Variants in KIDINS220 observed in about 807,000 individuals in gnomAD.
KIDINS220 encodes the protein kinase D interacting substrate 220.
A neutral mutation model predicts 157.6 loss-of-function variants in KIDINS220; 63 were observed. The observed-to-expected ratio is 0.40, with a 90% confidence interval of 0.33 to 0.49. The LOEUF (loss-of-function observed/expected upper bound fraction) is 0.49, where lower values mean the gene tolerates loss of function less well. Ranked by LOEUF, KIDINS220 falls within the 20% of genes least tolerant of loss-of-function variation. KIDINS220 has a pLI of 0.66. For synonymous variants in KIDINS220, 732 were observed against 783.6 expected, an observed-to-expected ratio of 0.93 and a Z score of 1.10; for missense variants, 1,772 against 2,171.2, an observed-to-expected ratio of 0.82 and a Z score of 3.65.
At chr2:8,744,382 AAAAAAAATATATATATATAATATAT>A (rs1666153436) in intron 26 of KIDINS220, among the ~76,000 whole-genome samples, 12 of 28,670 alleles carry the variant, frequency 4.2e-4, no homozygotes, top group Admixed American at 6.6e-4. Flanking sequence ...AAAAAAAAAA[AAAAAAAATATATATATATAATATAT>A]ATATATATAT....
At chr2:8,817,753 C>T in intron 3 of KIDINS220, 37 bp from the exon 4 acceptor site, 1 of 1,365,948 alleles carries the variant, frequency 7.3e-7, no homozygotes, top group Non-Finnish European at 1.0e-6. Context: ...ATTTTCAAAC[C>T]AAAAATAACA....
At chr2:8,733,397 G>C in intron 29 of KIDINS220, 47 bp downstream of exon 29, 1 of 1,447,586 alleles carries the variant, frequency 6.9e-7, no homozygotes, top group Non-Finnish European at 9.6e-7. Context: ...TGAACTGAAC[G>C]GTGTGCTTAT....
intron 24 of KIDINS220, 101 bp from the exon 25 acceptor site, chr2:8,748,101 T>C: frequency 1.8e-6 from 1 of 543,472 alleles, no homozygotes; most frequent in Non-Finnish European, 3.0e-6. Context: ...TCCAAAACTT[T>C]AATGCAAATG....
chr2:8,724,867 A>G (rs912441209), downstream of KIDINS220: 1 of 152,200 alleles, frequency 6.6e-6, no homozygotes, highest in Non-Finnish European at 1.5e-5. This position sits in a 1 kb window ranked among gnomAD's most constrained non-coding sequence, Gnocchi z 4.6. Context: ...TCTGGGCTCA[A>G]GCCATCCTCC....
At chr2:8,767,254 A>G (rs1221050855) in intron 22 of KIDINS220, among the ~76,000 whole-genome samples, 6 of 152,206 alleles carry the variant, frequency 3.9e-5, no homozygotes, top group Non-Finnish European at 8.8e-5. Context: ...GATGGAAACA[A>G]TAATTATATA....
intron 22 of KIDINS220, among the ~76,000 whole-genome samples, chr2:8,767,481 A>T (rs1669631290): frequency 6.6e-6 from 1 of 152,218 alleles, no homozygotes; most frequent in Admixed American, 6.5e-5. Flanking sequence ...ACTACAAAGG[A>T]GGTGAAGCAA....
At chr2:8,799,139 C>T (rs866524147) in intron 9 of KIDINS220, among the ~76,000 whole-genome samples, 5 of 152,136 alleles carry the variant, frequency 3.3e-5, no homozygotes, top group Non-Finnish European at 7.4e-5. Context: ...CACCACCATG[C>T]CTACCATCCC....
At chr2:8,764,939 A>G (rs1669263721) in intron 22 of KIDINS220, among the ~76,000 whole-genome samples, 1 of 152,230 alleles carries the variant, frequency 6.6e-6, no homozygotes. Context: ...CAATGCAAAT[A>G]TGTATAAGAA....
At position 8,773,363 on chromosome 2, in the gene KIDINS220, T is replaced by A. The variant is rs543790659; in HGVS notation, c.2849-2531A>T. Among the ~76,000 whole-genome samples the A allele has an allele frequency of 1.1e-4, 16 of 152,326 alleles. No individual in the cohort carries two copies. In the South Asian group the frequency reaches 3.1e-3, roughly 30 times the overall value. On this transcript the variant is annotated intron_variant, in intron 21 of 29. Coordinates refer to ENST00000256707, the MANE Select transcript of KIDINS220 (RefSeq NM_020738.4). ...TCTCAGTATCAACTATTAAATGATG[T>A]TAATTTGGTCCTCTTTAGAGTGTCT...
At chr2:8,757,697 T>C (rs1240313804) in intron 22 of KIDINS220, 1 of 1,612,716 alleles carries the variant, frequency 6.2e-7, no homozygotes, top group Admixed American at 1.7e-5. Flanking sequence ...GCCATTAAAA[T>C]GGCTTTTCTC....
At chr2:8,818,915 A>G (rs1677495895) in intron 2 of KIDINS220, 122 bp from the exon 3 acceptor site, 3 of 455,772 alleles carry the variant, frequency 6.6e-6, no homozygotes, top group Non-Finnish European at 1.2e-5. Context: ...TGTGTTTACT[A>G]TATTTAATTT....
downstream of KIDINS220, chr2:8,725,360 A>G (rs1395598146): frequency 6.6e-6 from 1 of 152,242 alleles, no homozygotes; most frequent in Non-Finnish European, 1.5e-5. Flanking sequence ...GCTTATTCAC[A>G]TGCTTCTTGC....
At chr2:8,828,526 A>G (rs963079800) in intron 1 of KIDINS220, among the ~76,000 whole-genome samples, 1 of 152,244 alleles carries the variant, frequency 6.6e-6, no homozygotes, top group Non-Finnish European at 1.5e-5. Context: ...GCAAATAAAT[A>G]AACCTCAATC....
At chr2:8,746,898 T>TAA in intron 26 of KIDINS220, 1 of 436,038 alleles carries the variant, frequency 2.3e-6, no homozygotes, top group Non-Finnish European at 4.1e-6. Flanking sequence ...TATTGAAGAA[T>TAA]AAAAAAAAAC....
downstream of KIDINS220, chr2:8,721,261 AG>A (rs1662942493): frequency 6.6e-6 from 1 of 152,240 alleles, no homozygotes; most frequent in African/African-American, 2.4e-5. Context: ...TAGTGACAAG[AG>A]ACATATGAAA....
In KIDINS220 at chr2:8,729,599, T is replaced by TTTTACCCTTGC; in HGVS notation, c.*1110_*1120dup. On this transcript the variant is annotated 3_prime_UTR_variant, in exon 30 of 30. Coordinates refer to ENST00000256707, the MANE Select transcript of KIDINS220 (RefSeq NM_020738.4). The stretch of plus-strand genomic sequence containing the variant: ...GCACTTATATAGATATATATATATA[T>TTTTACCCTTGC]TTTACCCTTGCTTTGTTACATGTTT... 1 of 972,382 alleles carries TTTTACCCTTGC rather than the reference T, an allele frequency of 1.0e-6. No homozygotes were observed. The highest frequency in any genetic ancestry group is 4.7e-5 in the South Asian group (1 of 21,054). The allele number at this position is 972,382 out of a possible 1,614,324, so 60.2% of individuals were successfully genotyped here. A position where few individuals can be genotyped will look rare whatever the true frequency, so the allele number is the denominator to read the frequency against.
Position 8,813,389 on chromosome 2 carries a change from T to C in KIDINS220, c.307-54A>G, listed in dbSNP as rs896455698. On this transcript the variant is annotated intron_variant, in intron 4 of 29. Transcript: ENST00000256707. ...TCAAACTTTAAATCATCTCTGAGTA[T>C]AAAAAATGTCACTAATGAAATTTCT... 3 of 1,203,652 alleles carry C rather than the reference T, an allele frequency of 2.5e-6. No individual in the cohort carries two copies. The African/African-American group carries it at 4.6e-5, about 19-fold the overall frequency. The allele number at this position is 1,203,652 out of a possible 1,614,324, so 74.6% of individuals were successfully genotyped here.
intron 26 of KIDINS220, chr2:8,740,241 T>C (rs931990063): frequency 8.9e-5 from 70 of 783,602 alleles, no homozygotes; most frequent in Non-Finnish European, 1.1e-4. Flanking sequence ...ACACATCCGA[T>C]GCACAACTAT....
chr2:8,777,658 T>C (rs1013041752), intron 20 of KIDINS220, among the ~76,000 whole-genome samples: 1 of 152,070 alleles, frequency 6.6e-6, no homozygotes, highest in Admixed American at 6.5e-5. Context: ...CTAACTATCC[T>C]CACATCGCCA....
Sources: allele counts gnomAD v4.1 joint callset (sites outside exome capture counted in the v4.1 genomes callset), GRCh38; gene constraint gnomAD v4.1.1; non-coding constraint Gnocchi (gnomAD v3.1); transcripts MANE v1.5; gene names NCBI Gene and HGNC (gene_info 2026-07-23, HGNC 2026-07-21).